PMPCA: variants seen among roughly 807,000 people sequenced by gnomAD.
PMPCA encodes the protein peptidase, mitochondrial processing subunit alpha, also known as mitochondrial-processing peptidase subunit alpha.
Under a neutral mutation model 59.3 loss-of-function variants are expected in PMPCA, and 47 were observed. The observed-to-expected ratio is 0.79, with a 90% CI of 0.63 to 1.01. PMPCA has a LOEUF of 1.01. Among genes scored for constraint, PMPCA ranks in the 50% least tolerant of loss-of-function variants. PMPCA has a pLI of 0.00. For missense variants in PMPCA, 726 were observed against 704.5 expected, an observed-to-expected ratio of 1.03 and a Z score of -0.34; for synonymous variants, 338 against 290.3, an observed-to-expected ratio of 1.16 and a Z score of -1.67.
Position 136,412,829 on chromosome 9 carries a change from G to A in PMPCA, c.374G>A (p.Ser125Asn). The A allele has an allele frequency of 1.2e-6, 2 of 1,604,724 alleles. No homozygotes were observed. The highest frequency in any genetic ancestry group is 1.7e-6 in the Non-Finnish European group (2 of 1,171,470). ...TACTAGTCTACTGCTCGATTTGACAGCAAAGATGAAATTCTGCTTACGTTG... is the reference window on the plus strand; with the variant it reads ...TACTAGTCTACTGCTCGATTTGACAACAAAGATGAAATTCTGCTTACGTTG... ...LAFSSTARFD[S>N]KDEILLTLEK... Residue 125 changes from serine (S) to asparagine (N), a missense_variant, in exon 4 of 13, where the codon AGC becomes AAC. Coordinates refer to ENST00000371717, the MANE Select transcript of PMPCA (RefSeq NM_015160.3).
intron 11 of PMPCA, chr9:136,420,500 CAG>C (rs1252035621): frequency 6.6e-5 from 10 of 152,160 alleles, no homozygotes; most frequent in South Asian, 2.1e-4. Context: ...TTAGTAGAGA[CAG>C]GGTTTCACCA....
intron 5 of PMPCA, among the ~76,000 whole-genome samples, chr9:136,415,792 C>G (rs1207495114): frequency 6.6e-6 from 1 of 152,184 alleles, no homozygotes. Flanking sequence ...GCCACCGCGC[C>G]CAGTTAATTT....
rs747695631 is a variant in PMPCA, at chr9:136,418,866, G to C, written c.1148G>C (p.Ser383Thr). ...WMYNATSYHH[S>T]YEDTGLLCIH... ...TATAACGCGACCTCCTACCACCACA[G>C]CTACGAGGACACTGGCCTCCTTTGC... is the stretch of plus-strand genomic sequence containing the variant. Residue 383 changes from serine to threonine, a missense_variant, in exon 10 of 13, where the codon AGC becomes ACC. Coordinates refer to ENST00000371717, the MANE Select transcript of PMPCA (RefSeq NM_015160.3). The C allele has an allele frequency of 1.3e-5, 21 of 1,613,408 alleles. No homozygotes were observed. The highest frequency in any genetic ancestry group is 1.8e-5 in the Non-Finnish European group (21 of 1,180,010).
rs769031961 is a variant in PMPCA, at chr9:136,419,048, G to C, written c.1205G>C (p.Arg402Pro). The C allele has an allele frequency of 6.2e-7, 1 of 1,613,950 alleles. No homozygotes were observed. The highest frequency in any genetic ancestry group is 1.7e-5 in the Admixed American group (1 of 60,034). The change falls in exon 11 of 13, where the codon CGA becomes CCA. Residue 402 changes from arginine to proline, a missense_variant. By Grantham distance (103) the Arg-to-Pro change is moderately radical. Transcript: ENST00000371717. ...TCGTCTTGCCCTTCTTCGCAGGTTCGAGAAATGGTAGAAATCATCACAAAG... is the reference window on the plus strand; with the variant it reads ...TCGTCTTGCCCTTCTTCGCAGGTTCCAGAAATGGTAGAAATCATCACAAAG... ...IHASADPRQV[R>P]EMVEIITKEF...
chr9:136,422,807 C>T, intron 12 of PMPCA: 10 of 1,215,158 alleles, frequency 8.2e-6, no homozygotes, highest in Non-Finnish European at 1.0e-5. Context: ...AAAGTGAGTT[C>T]ATCAGACACG....
At position 136,418,052 on chromosome 9, in the gene PMPCA, G is replaced by T. The variant is rs1460046970; in HGVS notation, c.933G>T (p.Pro311=). 1.2e-6 allele frequency: 2 copies of T among 1,613,912 alleles called. No homozygotes were observed. The highest frequency in any genetic ancestry group is 2.2e-5 in the East Asian group (1 of 44,884). Residue 311 remains proline, a synonymous_variant, in exon 8 of 13, where the codon CCG becomes CCT. Transcript: ENST00000371717. ...ACATGTCCAATGTCAGCCTGGGCCCGACCCCCATCCCCGAGCTCACGCACA... is the reference window on the plus strand; with the variant it reads ...ACATGTCCAATGTCAGCCTGGGCCCTACCCCCATCCCCGAGCTCACGCACA... ...ERDMSNVSLG[P]TPIPELTHIM...
intron 7 of PMPCA, among the ~76,000 whole-genome samples, chr9:136,417,692 G>C (rs769555669): frequency 1.3e-5 from 2 of 152,000 alleles, no homozygotes; most frequent in Non-Finnish European, 2.9e-5. Context: ...CTGACCTCAT[G>C]ATCTACCTGC....
chr9:136,421,440 T>C (rs1364733418), intron 11 of PMPCA, among the ~76,000 whole-genome samples: 3 of 141,758 alleles, frequency 2.1e-5, no homozygotes, highest in Non-Finnish European at 4.7e-5. Flanking sequence ...GACAGAGTCT[T>C]GCTCTGTCGC....
At chr9:136,414,973 A>T (rs993459752) in intron 5 of PMPCA, among the ~76,000 whole-genome samples, 77 of 152,098 alleles carry the variant, frequency 5.1e-4, no homozygotes, top group African/African-American at 1.8e-3. Flanking sequence ...TTAGAGTCCT[A>T]GCTACTCGGG....
At chr9:136,422,486 C>T (rs1835485643) in intron 12 of PMPCA, 2 of 1,032,346 alleles carry the variant, frequency 1.9e-6, no homozygotes, top group Non-Finnish European at 2.3e-6. Context: ...TAAAACCTGG[C>T]AAGGCTGCCT....
At position 136,410,735 on chromosome 9, in the gene PMPCA, C is replaced by T. The variant is rs996347606; in HGVS notation, c.67C>T (p.Leu23=). ...RGSGSWGCSR[L]RFGPPAYRRF... The stretch of plus-strand genomic sequence containing the variant: ...CTCGGGTTCTTGGGGCTGTTCGCGG[C>T]TGAGGTGAGCCAAAGGCGAACCAGG... The change falls in exon 1 of 13, where the codon CTG becomes TTG. Residue 23 remains leucine (L), a synonymous_variant. Coordinates refer to ENST00000371717, the MANE Select transcript of PMPCA (RefSeq NM_015160.3). 1.4e-6 allele frequency: 2 copies of T among 1,416,222 alleles called. No individual in the cohort carries two copies. The highest frequency in any genetic ancestry group is 1.9e-4 in the Middle Eastern group (1 of 5,350). The allele number at this position is 1,416,222 out of a possible 1,614,324, so 87.7% of individuals were successfully genotyped here. A position where few individuals can be genotyped will look rare whatever the true frequency, so the allele number is the denominator to read the frequency against.
Position 136,418,875 on chromosome 9 carries a change from A to T in PMPCA, c.1157A>T (p.Asp386Val). The change falls in exon 10 of 13, where the codon GAC (aspartate) becomes GTC (valine). Residue 386 changes from aspartate to valine, a missense_variant. By Grantham distance (152) the Asp-to-Val change is radical (BLOSUM62 -3). Transcript: ENST00000371717. ...ACCTCCTACCACCACAGCTACGAGG[A>T]CACTGGCCTCCTTTGCATCCATGCC... is the stretch of plus-strand genomic sequence containing the variant. ...NATSYHHSYE[D>V]TGLLCIHASA... The T allele has an allele frequency of 6.2e-7, 1 of 1,613,668 alleles. No individual in the cohort carries two copies. The highest frequency in any genetic ancestry group is 8.5e-7 in the Non-Finnish European group (1 of 1,179,978).
intron 7 of PMPCA, among the ~76,000 whole-genome samples, 164 bp downstream of exon 7, chr9:136,417,378 C>G (rs1226398783): frequency 6.6e-6 from 1 of 152,120 alleles, no homozygotes; most frequent in East Asian, 1.9e-4. Flanking sequence ...GACTGTGTCC[C>G]CTGCTGAGAA....
rs1380205222 is a variant in PMPCA at position 136,414,557 on chromosome 9, A to G, written c.442A>G (p.Thr148Ala). ...GICDCQTSRD[T>A]TMYAVSADSK... is the part of the protein sequence containing the mutation. Reference sequence around the variant, plus strand: ...TGGGCTTGTGTTTTCTTCCAGAGACACCACCATGTATGCTGTGTCTGCTGA... The same window carrying G: ...TGGGCTTGTGTTTTCTTCCAGAGACGCCACCATGTATGCTGTGTCTGCTGA... Residue 148 changes from threonine to alanine, a missense_variant, in exon 5 of 13, where the codon ACC becomes GCC. By Grantham distance (58) the Thr-to-Ala change is moderately conservative. Coordinates refer to ENST00000371717, the MANE Select transcript of PMPCA (RefSeq NM_015160.3). 6.2e-7 allele frequency: 1 copy of G among 1,607,648 alleles called. No individual in the cohort carries two copies. Among genetic ancestry groups the G allele is most frequent in the Non-Finnish European group, 8.5e-7 (1 of 1,174,168 alleles).
chr9:136,412,193 G>A lies in PMPCA; in HGVS notation c.268G>A (p.Val90Ile), dbSNP rs755207706. 6.2e-7 allele frequency: 1 copy of A among 1,610,700 alleles called. No individual in the cohort carries two copies. The highest frequency in any genetic ancestry group is 8.5e-7 in the Non-Finnish European group (1 of 1,176,962). The change falls in exon 2 of 13, where the codon GTA becomes ATA. Residue 90 changes from valine (V) to isoleucine (I), a missense_variant. Physicochemically the swap from Val to Ile is conservative, Grantham distance 29 (BLOSUM62 3). Transcript: ENST00000371717. ...SQNKFGQFCTVGILINSGSRY... is the reference protein window; with the variant it reads ...SQNKFGQFCTIGILINSGSRY... ...GAATAAGTTTGGACAGTTTTGTACAGTAGGAAGTAAGTACTGTTGTGTTGT... is the reference window on the plus strand; with the variant it reads ...GAATAAGTTTGGACAGTTTTGTACAATAGGAAGTAAGTACTGTTGTGTTGT...
intron 11 of PMPCA, chr9:136,419,933 G>A (rs1835400710): frequency 6.6e-6 from 1 of 151,756 alleles, no homozygotes; most frequent in African/African-American, 2.4e-5. Flanking sequence ...TACACATTTG[G>A]GAACCTCGTT....
Position 136,416,403 on chromosome 9 carries a change from A to G in PMPCA, c.633+12A>G, listed in dbSNP as rs764499664. ...AGATGATTCATGAAGTAAAATGTCA[A>G]ACTCGAGAATGCCCCCGCATCTCGA... On this transcript the variant is annotated intron_variant, in intron 6 of 12. Coordinates refer to ENST00000371717, the MANE Select transcript of PMPCA (RefSeq NM_015160.3). 5.7e-6 allele frequency: 9 copies of G among 1,589,072 alleles called. 1 individual carries two copies. In the South Asian group the frequency reaches 9.9e-5, roughly 18 times the overall value.
rs768042195 is a variant in PMPCA at position 136,418,668 on chromosome 9, C to G, written c.1104C>G (p.Leu368=). Residue 368 remains leucine (L), a synonymous_variant, in exon 9 of 13, where the codon CTC becomes CTG. Coordinates refer to ENST00000371717, the MANE Select transcript of PMPCA (RefSeq NM_015160.3). ...GMFSRLYLNV[L]NRHHWMYNAT... is the part of the protein sequence containing the mutation. ...TCTCCAGGCTCTACCTCAACGTGCT[C>G]AACAGGTGGGTTGCACTCTTTTCTG... 1.2e-6 allele frequency: 2 copies of G among 1,605,874 alleles called. No homozygotes were observed. Among genetic ancestry groups the G allele is most frequent in the East Asian group, 4.5e-5 (2 of 44,854 alleles).
chr9:136,415,629 T>G (rs1286512343), intron 5 of PMPCA, among the ~76,000 whole-genome samples: 1 of 152,200 alleles, frequency 6.6e-6, no homozygotes, highest in East Asian at 1.9e-4. Flanking sequence ...TTGACATCTG[T>G]CTGTGCCTCT....
Sources: gnomAD v4.1 joint callset for allele counts (sites outside exome capture counted in the v4.1 genomes callset) on GRCh38, gnomAD v4.1.1 for gene constraint, MANE v1.5 for transcripts, NCBI Gene and HGNC (gene_info 2026-07-23, HGNC 2026-07-21) for gene names.